TENM1: variants seen among roughly 807,000 people sequenced by gnomAD.
TENM1 encodes the protein teneurin-1.
TENM1 carries 35 observed loss-of-function variants against 174.8 expected under a neutral mutation model. The observed-to-expected ratio is 0.20, with a 90% confidence interval of 0.15 to 0.27. The LOEUF is 0.27. Among genes scored for constraint, TENM1 ranks in the 10% least tolerant of loss-of-function variants. The pLI is 1.00. For synonymous variants in TENM1, 781 were observed against 798.7 expected (o/e 0.98, Z 0.37); for missense variants, 1,633 against 2,130.1 (o/e 0.77, Z 4.59).
intron 14 of TENM1, among the ~76,000 whole-genome samples, chrX:124,557,910 AC>A (rs747389833): frequency 9.8e-5 from 11 of 112,026 alleles, no homozygotes; most frequent in Non-Finnish European, 2.1e-4. Context: ...AAATTAGGAC[AC>A]ATGATTAACA....
intron 3 of TENM1, among the ~76,000 whole-genome samples, chrX:124,743,446 A>C (rs1603110299): frequency 8.9e-6 from 1 of 112,163 alleles, no homozygotes; most frequent in East Asian, 2.8e-4. Flanking sequence ...CACAGACAAC[A>C]ACAGAAAGAG....
the TENM1 span, among the ~76,000 whole-genome samples, chrX:125,187,256 T>C: frequency 8.9e-6 from 1 of 112,168 alleles, no homozygotes; most frequent in Non-Finnish European, 1.9e-5. Context: ...CAAGACTCTG[T>C]CTCAAAAACA....
At chrX:124,676,267 T>A (rs1377118644) in intron 5 of TENM1, among the ~76,000 whole-genome samples, 1 of 10,802 alleles carries the variant, frequency 9.3e-5, no homozygotes, top group African/African-American at 6.6e-4. Context: ...AATATATATA[T>A]ATATATATAT....
Position 124,497,349 on chromosome X carries a change from T to G in TENM1, c.3446-84A>C. On this transcript the variant is annotated intron_variant, in intron 19 of 31. Transcript: ENST00000422452. ...CAGCAATATTTTAATTTATTCTTCA[T>G]CATCCCAAGCAGGAAGGAGCTTTGG... 3.0e-6 allele frequency: 3 copies of G among 1,010,203 alleles called. No individual in the cohort carries two copies. In the Admixed American group the frequency reaches 8.8e-5, roughly 30 times the overall value. 83.3% of individuals were successfully genotyped at this position (1,010,203 alleles called of 1,213,427 possible).
chrX:124,496,855 G>A (rs1281054072), intron 20 of TENM1, among the ~76,000 whole-genome samples, 161 bp downstream of exon 23: 1 of 112,088 alleles, frequency 8.9e-6, no homozygotes, highest in Non-Finnish European at 1.9e-5. Context: ...AGTAGGAAGA[G>A]TGAGCATGTT....
At chrX:125,112,835 C>T in the TENM1 span, among the ~76,000 whole-genome samples, 6 of 110,883 alleles carry the variant, frequency 5.4e-5, no homozygotes, top group Non-Finnish European at 1.1e-4. Context: ...AGTGATATCC[C>T]GTTTATAAAT....
At chrX:124,456,046 CT>C (rs775129061) in intron 22 of TENM1, among the ~76,000 whole-genome samples, 1 of 111,747 alleles carries the variant, frequency 8.9e-6, no homozygotes, top group African/African-American at 3.2e-5. Flanking sequence ...CTTACTTTTA[CT>C]TTTTGTGAAG....
chrX:124,414,926 C>T (rs1402496645), intron 25 of TENM1, among the ~76,000 whole-genome samples: 1 of 111,888 alleles, frequency 8.9e-6, no homozygotes, highest in African/African-American at 3.3e-5. Context: ...TCCACCTGTG[C>T]AAACAATTTG....
intron 6 of TENM1, among the ~76,000 whole-genome samples, chrX:124,655,547 G>A (rs2051420284): frequency 8.9e-6 from 1 of 111,901 alleles, no homozygotes; most frequent in South Asian, 3.7e-4. Flanking sequence ...CATGGTCTCT[G>A]TTCTTTGTGC....
chrX:125,173,582 T>C, the TENM1 span, among the ~76,000 whole-genome samples: 1 of 111,448 alleles, frequency 9.0e-6, no homozygotes, highest in Non-Finnish European at 1.9e-5. Context: ...ATGCCCTGAT[T>C]GTCCTTTTAA....
chrX:124,938,718 GAA>G (rs966383793), intron 1 of TENM1, among the ~76,000 whole-genome samples: 7 of 112,129 alleles, frequency 6.2e-5, no homozygotes, highest in Middle Eastern at 4.6e-3. Context: ...GAAAAGGGTA[GAA>G]ACTACATGTG....
the TENM1 span, among the ~76,000 whole-genome samples, chrX:125,098,394 T>C: frequency 1.8e-5 from 2 of 112,307 alleles, no homozygotes; most frequent in African/African-American, 3.2e-5. Context: ...AATAAATTAA[T>C]GAATGAAGCT....
chrX:125,036,007 A>C, the TENM1 span, among the ~76,000 whole-genome samples: 1 of 111,391 alleles, frequency 9.0e-6, no homozygotes, highest in Admixed American at 9.6e-5. Context: ...ATCTGGTTAT[A>C]AGGACAATTG....
At chrX:124,754,716 T>A (rs1256387584) in intron 3 of TENM1, among the ~76,000 whole-genome samples, 1 of 108,012 alleles carries the variant, frequency 9.3e-6, no homozygotes, top group African/African-American at 3.5e-5. Context: ...TCAAAGAACA[T>A]CTTTATTTCT....
At chrX:124,453,884 T>C (rs1046599829) in intron 22 of TENM1, among the ~76,000 whole-genome samples, 1 of 111,771 alleles carries the variant, frequency 8.9e-6, no homozygotes, top group Non-Finnish European at 1.9e-5. Flanking sequence ...ATTTTCACGA[T>C]TGCATTAGGA....
Position 124,665,163 on chromosome X carries a change from C to T in TENM1, c.1168+6520G>A, listed in dbSNP as rs1052813745. Among the ~76,000 whole-genome samples, 3 of 111,316 alleles carry T rather than the reference C, an allele frequency of 2.7e-5. No homozygotes were observed. In the Middle Eastern group the frequency reaches 0.014, roughly 511 times the overall value. On this transcript the variant is annotated intron_variant, in intron 6 of 31. Transcript: ENST00000422452. ...GACCAGCCTGACCAACATGAAGAAA[C>T]CCTGTCTCCATTAAAAAAATTACAA... is the stretch of plus-strand genomic sequence containing the variant.
At chrX:124,399,872 T>C (rs989964322) in intron 27 of TENM1, among the ~76,000 whole-genome samples, 1 of 111,430 alleles carries the variant, frequency 9.0e-6, no homozygotes, top group Non-Finnish European at 1.9e-5. Flanking sequence ...CTCAGGAGAC[T>C]GAGGTGGGAG....
rs779152139 is a variant in TENM1, at chrX:124,520,704, G to A, written c.3114C>T (p.Thr1038=). Residue 1038 remains threonine, a synonymous_variant, in exon 18 of 32, where the codon ACC becomes ACT. Transcript: ENST00000422452. ...AATGTGTCAGAAGGATCCGTAGCAGGGTTTTATACCCAGGGGTGCGGCTGC... is the reference window on the plus strand; with the variant it reads ...AATGTGTCAGAAGGATCCGTAGCAGAGTTTTATACCCAGGGGTGCGGCTGC... The A allele has an allele frequency of 3.3e-6, 4 of 1,207,414 alleles. No homozygotes were observed. The African/African-American group carries it at 5.3e-5, about 16-fold the overall frequency.
chrX:124,866,351 G>A (rs1482089983), intron 3 of TENM1, among the ~76,000 whole-genome samples: 1 of 111,796 alleles, frequency 8.9e-6, no homozygotes, highest in African/African-American at 3.2e-5. Flanking sequence ...TTAATAACAA[G>A]AGGAATTTTG....
Sources: allele counts gnomAD v4.1 joint callset (sites outside exome capture counted in the v4.1 genomes callset), GRCh38; gene constraint gnomAD v4.1.1; transcripts MANE v1.5; gene names NCBI Gene and HGNC (gene_info 2026-07-23, HGNC 2026-07-21).